The following PREX1 variants were observed in gnomAD, a reference collection of about 807,000 sequenced individuals.
PREX1 encodes phosphatidylinositol 3,4,5-trisphosphate-dependent Rac exchanger 1 protein.
PREX1 carries 41 observed loss-of-function variants against 198.3 expected under a neutral mutation model. The observed-to-expected ratio is 0.21, with a 90% CI of 0.16 to 0.27. PREX1 has a LOEUF of 0.27. Ranked by LOEUF, PREX1 falls within the 10% of genes least tolerant of loss-of-function variation. The pLI, the probability that PREX1 is intolerant of heterozygous loss-of-function variation, is 1.00. For synonymous variants in PREX1, 843 were observed against 887.2 expected (o/e 0.95, Z 0.89); for missense variants, 1,620 against 2,200.7 (o/e 0.74, Z 5.28).
chr20:48,828,299 C>G (rs2090521680), upstream of PREX1, among the ~76,000 whole-genome samples: 1 of 151,858 alleles, frequency 6.6e-6, no homozygotes, highest in Non-Finnish European at 1.5e-5. Flanking sequence ...AGCGTACCAA[C>G]TCCGCGCCCG....
intron 7 of PREX1, among the ~76,000 whole-genome samples, chr20:48,699,770 A>G (rs570214426): frequency 6.6e-6 from 1 of 152,162 alleles, no homozygotes; most frequent in African/African-American, 2.4e-5. Flanking sequence ...GAAGGCCCCA[A>G]TCTACCATTC....
chr20:48,729,448 C>G (rs1325212570), intron 4 of PREX1, among the ~76,000 whole-genome samples: 1 of 152,108 alleles, frequency 6.6e-6, no homozygotes, highest in Non-Finnish European at 1.5e-5. Flanking sequence ...CCCCTAAACT[C>G]CCGACTAGAG....
intron 5 of PREX1, among the ~76,000 whole-genome samples, chr20:48,712,922 G>T (rs1462928016): frequency 1.3e-5 from 2 of 152,128 alleles, no homozygotes; most frequent in African/African-American, 4.8e-5. Flanking sequence ...TCAGGAGTTC[G>T]AGACCAGCCT....
At chr20:48,674,958 G>T (rs892648198) in intron 14 of PREX1, among the ~76,000 whole-genome samples, 3 of 152,166 alleles carry the variant, frequency 2.0e-5, no homozygotes, top group African/African-American at 7.2e-5. Flanking sequence ...GTCCTAGTTT[G>T]CCCAAGACCA....
chr20:48,627,773 G>T, intron 38 of PREX1, 88 bp downstream of exon 38: 1 of 1,420,286 alleles, frequency 7.0e-7, no homozygotes, highest in Non-Finnish European at 9.7e-7. Flanking sequence ...GGGGCTGGTG[G>T]CTACCAGCCC....
chr20:48,768,029 C>A (rs1237476263), intron 1 of PREX1, among the ~76,000 whole-genome samples: 1 of 152,180 alleles, frequency 6.6e-6, no homozygotes, highest in African/African-American at 2.4e-5. Flanking sequence ...GGGTCTCTGG[C>A]TGCTTGTGCT....
At chr20:48,730,413 CCACACACACACA>C (rs71827793) in intron 4 of PREX1, among the ~76,000 whole-genome samples, 7 of 146,692 alleles carry the variant, frequency 4.8e-5, no homozygotes, top group Admixed American at 3.4e-4. Flanking sequence ...GCAAAAGCCA[CCACACACACACA>C]CACACACACA....
rs745365939 is a variant in PREX1, at chr20:48,684,594, C to T, written c.1335-3259G>A. Among the ~76,000 whole-genome samples the T allele has an allele frequency of 6.6e-5, 10 of 152,232 alleles. No homozygotes were observed. Among genetic ancestry groups the T allele is most frequent in the Admixed American group, 4.6e-4 (7 of 15,292 alleles). On this transcript the variant is annotated intron_variant, in intron 10 of 39. Transcript: ENST00000371941. The surrounding 1 kb of genome is among the most constrained non-coding windows in gnomAD (Gnocchi z 4.2). The stretch of plus-strand genomic sequence containing the variant: ...CCTTCGTCCAGGAAGCTTTTCCTGA[C>T]GGCCCCTGCCAGACACGCCGCGTCA...
chr20:48,739,356 A>AT (rs1053358745), intron 3 of PREX1, among the ~76,000 whole-genome samples: 25 of 152,088 alleles, frequency 1.6e-4, no homozygotes, highest in African/African-American at 4.1e-4. Context: ...TCAGACACAT[A>AT]TTTTTTTTAG....
chr20:48,726,991 G>C (rs116885121), intron 4 of PREX1, among the ~76,000 whole-genome samples: 13,383 of 152,268 alleles, frequency 0.088, 711 homozygotes, highest in South Asian at 0.12. Flanking sequence ...TTGTGCAAAA[G>C]AAAGAAGGAT....
chr20:48,718,046 T>TC (rs2089969903), intron 5 of PREX1, among the ~76,000 whole-genome samples: 1 of 152,216 alleles, frequency 6.6e-6, no homozygotes. Context: ...GGGATGTGTG[T>TC]CCTCTAGTCT....
chr20:48,790,250 G>A (rs1439717171), intron 1 of PREX1, among the ~76,000 whole-genome samples: 3 of 152,190 alleles, frequency 2.0e-5, no homozygotes, highest in Non-Finnish European at 4.4e-5. Context: ...TGCATCCTAA[G>A]TGCTTGGTAA....
intron 1 of PREX1, among the ~76,000 whole-genome samples, chr20:48,805,170 T>TA (rs2090406277): frequency 2.0e-5 from 3 of 152,200 alleles, no homozygotes; most frequent in Admixed American, 2.0e-4. Context: ...GAAACGGTGA[T>TA]AGCAGCAGGA....
intron 7 of PREX1, among the ~76,000 whole-genome samples, chr20:48,697,114 T>C (rs1365645004): frequency 6.6e-6 from 1 of 152,164 alleles, no homozygotes; most frequent in Non-Finnish European, 1.5e-5. Flanking sequence ...AGAGCCCCTT[T>C]AGACACAATT....
chr20:48,650,352 C>T lies in PREX1; in HGVS notation c.2818-146G>A, dbSNP rs371479775. 6 of 840,760 alleles carry T rather than the reference C, an allele frequency of 7.1e-6. No homozygotes were observed. The African/African-American group carries it at 8.6e-5, about 12-fold the overall frequency. 52.1% of individuals were successfully genotyped at this position (840,760 alleles called of 1,614,324 possible). ...AGTAGCTCCAAATGAGAAGGGGAACCCCTGGACTGTGTTTCACGGCTCAGG... is the reference window on the plus strand; with the variant it reads ...AGTAGCTCCAAATGAGAAGGGGAACTCCTGGACTGTGTTTCACGGCTCAGG... On this transcript the variant is annotated intron_variant, in intron 23 of 39. Coordinates refer to ENST00000371941, the MANE Select transcript of PREX1 (RefSeq NM_020820.4).
intron 3 of PREX1, among the ~76,000 whole-genome samples, chr20:48,742,138 G>A (rs931366694): frequency 6.6e-6 from 1 of 152,154 alleles, no homozygotes; most frequent in African/African-American, 2.4e-5. Flanking sequence ...TGTGAGGCTG[G>A]AAGGACGGGA....
intron 1 of PREX1, among the ~76,000 whole-genome samples, chr20:48,791,936 C>T (rs894969289): frequency 1.3e-5 from 2 of 152,218 alleles, no homozygotes; most frequent in South Asian, 2.1e-4. Context: ...AGTTCCCGCA[C>T]GGGGACTGCT....
intron 1 of PREX1, among the ~76,000 whole-genome samples, chr20:48,797,309 A>G (rs2090367284): frequency 6.6e-6 from 1 of 151,952 alleles, no homozygotes; most frequent in African/African-American, 2.4e-5. Context: ...GCAGAGCAGG[A>G]CAAAGGGCCA....
At chr20:48,792,851 C>CAT (rs1568866012) in intron 1 of PREX1, among the ~76,000 whole-genome samples, 46 of 145,562 alleles carry the variant, frequency 3.2e-4, no homozygotes, top group African/African-American at 1.0e-3. Context: ...CACACACACA[C>CAT]ACATAGTATG....
Sources: gnomAD v4.1 joint callset for allele counts (sites outside exome capture counted in the v4.1 genomes callset) on GRCh38, gnomAD v4.1.1 for gene constraint, Gnocchi (gnomAD v3.1) non-coding constraint, MANE v1.5 for transcripts, NCBI Gene and HGNC (gene_info 2026-07-23, HGNC 2026-07-21) for gene names.